The following RPRD1A variants were observed in gnomAD, a reference collection of about 807,000 sequenced individuals.
RPRD1A encodes regulation of nuclear pre-mRNA domain-containing protein 1A.
RPRD1A carries 9 observed loss-of-function variants against 37.8 expected under a neutral mutation model. The observed-to-expected ratio is 0.24, with a 90% CI of 0.14 to 0.42. The LOEUF (loss-of-function observed/expected upper bound fraction) is 0.42. Among genes scored for constraint, RPRD1A ranks in the 10% least tolerant of loss-of-function variants. The pLI is 1.00. For synonymous variants in RPRD1A, 138 were observed against 139.7 expected (o/e 0.99, Z 0.08); for missense variants, 255 against 371.0 (o/e 0.69, Z 2.57).
intron 6 of RPRD1A, among the ~76,000 whole-genome samples, chr18:36,011,255 T>C (rs952110498): frequency 6.6e-6 from 1 of 152,148 alleles, no homozygotes; most frequent in Non-Finnish European, 1.5e-5. Flanking sequence ...TGTTGTCCAA[T>C]GTCACAGAGC....
chr18:36,012,502 G>A (rs922441680), intron 6 of RPRD1A, among the ~76,000 whole-genome samples: 1 of 152,162 alleles, frequency 6.6e-6, no homozygotes, highest in Non-Finnish European at 1.5e-5. Context: ...ATTCACAACA[G>A]TAACATGCTA....
At chr18:36,039,906 A>G (rs1912464133) in intron 1 of RPRD1A, among the ~76,000 whole-genome samples, 1 of 152,160 alleles carries the variant, frequency 6.6e-6, no homozygotes, top group Non-Finnish European at 1.5e-5. Flanking sequence ...AAATATATGC[A>G]CATGTACATA....
chr18:36,009,796 A>G (rs2144198570), intron 6 of RPRD1A, among the ~76,000 whole-genome samples: 1 of 152,314 alleles, frequency 6.6e-6, no homozygotes, highest in East Asian at 1.9e-4. Context: ...GCCTACTGCT[A>G]CTGAGAAACT....
At position 36,067,450 on chromosome 18, in the gene RPRD1A, G is replaced by C. The variant is rs778420362; in HGVS notation, c.-46C>G. On this transcript the variant is annotated 5_prime_UTR_variant, in exon 1 of 7. Transcript: ENST00000399022. ...GCCGTCCCACGCGGTGGGGCCGAGG[G>C]GAGGAGAGTTTCGCCGCCCTAGCTG... The C allele has an allele frequency of 4.3e-5, 68 of 1,570,018 alleles. No individual in the cohort carries two copies. The highest frequency in any genetic ancestry group is 5.9e-5 in the Non-Finnish European group (68 of 1,155,454).
At chr18:35,998,049 A>T (rs1909190100) in intron 6 of RPRD1A, among the ~76,000 whole-genome samples, 1 of 152,180 alleles carries the variant, frequency 6.6e-6, no homozygotes, top group Non-Finnish European at 1.5e-5. Context: ...TTTCGTTTTG[A>T]TTCACACATC....
intron 1 of RPRD1A, chr18:36,040,930 G>T: frequency 1.1e-6 from 1 of 944,694 alleles, no homozygotes; most frequent in Non-Finnish European, 1.5e-6. Context: ...GTTCTTTACA[G>T]TAATTGTCTT....
intron 6 of RPRD1A, among the ~76,000 whole-genome samples, chr18:36,014,554 C>G (rs1428931161): frequency 6.6e-6 from 1 of 152,198 alleles, no homozygotes; most frequent in Non-Finnish European, 1.5e-5. Context: ...CTGGCTAACA[C>G]ACGGTGAAAC....
intron 1 of RPRD1A, among the ~76,000 whole-genome samples, chr18:36,065,982 T>C (rs2089022266): frequency 1.3e-5 from 2 of 152,164 alleles, no homozygotes; most frequent in South Asian, 4.1e-4. Context: ...AAAAACAAGA[T>C]AAACCTGTTA....
Position 36,067,391 on chromosome 18 carries a change from GAGA to G in RPRD1A, c.11_13del (p.Phe4del). The G allele has an allele frequency of 6.2e-7, 1 of 1,607,150 alleles. No individual in the cohort carries two copies. Among genetic ancestry groups the G allele is most frequent in the Non-Finnish European group, 8.5e-7 (1 of 1,177,054 alleles). On this transcript the variant is annotated inframe_deletion, in exon 1 of 7. Coordinates refer to ENST00000399022, the MANE Select transcript of RPRD1A (RefSeq NM_018170.5). Reference sequence around the variant, plus strand: ...CAGCTTCTTCTCCAGCGCCGCCTCAGAGAAGGCTGACATCCCTCCGACACCACG... The same window carrying G: ...CAGCTTCTTCTCCAGCGCCGCCTCAGAGGCTGACATCCCTCCGACACCACG...
chr18:36,061,750 C>T (rs905986995), intron 1 of RPRD1A, among the ~76,000 whole-genome samples: 3 of 152,112 alleles, frequency 2.0e-5, no homozygotes, highest in Non-Finnish European at 4.4e-5. Context: ...GAATCTAATA[C>T]AATACTTGTA....
At chr18:36,008,635 T>C (rs150940209) in intron 6 of RPRD1A, among the ~76,000 whole-genome samples, 1 of 128,238 alleles carries the variant, frequency 7.8e-6, no homozygotes, top group African/African-American at 2.9e-5. Flanking sequence ...CCTCATGGTA[T>C]ATCAATTTTG....
intron 1 of RPRD1A, 28 bp from the exon 2 acceptor site, chr18:36,033,865 T>C (rs1911994460): frequency 1.9e-6 from 3 of 1,578,386 alleles, no homozygotes; most frequent in Non-Finnish European, 1.7e-6. Flanking sequence ...GTTAAAAATC[T>C]ACTTAAAACA....
intron 1 of RPRD1A, among the ~76,000 whole-genome samples, chr18:36,063,330 G>T (rs1194582501): frequency 6.6e-6 from 1 of 152,130 alleles, no homozygotes; most frequent in Non-Finnish European, 1.5e-5. Flanking sequence ...ATCATGCCCA[G>T]CTAATTTTGG....
intron 1 of RPRD1A, among the ~76,000 whole-genome samples, chr18:36,036,609 C>A (rs1225258658): frequency 2.6e-5 from 4 of 152,110 alleles, no homozygotes; most frequent in African/African-American, 4.8e-5. Flanking sequence ...GCAATCATCA[C>A]AACTTATGCC....
rs1298708733 is a variant in RPRD1A, at chr18:35,992,032, C to T, written c.*1119G>A. On this transcript the variant is annotated 3_prime_UTR_variant, in exon 7 of 7. Coordinates refer to ENST00000399022, the MANE Select transcript of RPRD1A (RefSeq NM_018170.5). The stretch of plus-strand genomic sequence containing the variant: ...GCAGGAGAGCATGCAACTGCTCTAA[C>T]ACACAGGGTCAGAAATAAAAGGTAA... 23 of 152,652 alleles carry T rather than the reference C, an allele frequency of 1.5e-4. No individual in the cohort carries two copies. Among genetic ancestry groups the T allele is most frequent in the Admixed American group, 1.4e-3 (21 of 15,286 alleles). 9.5% of individuals were successfully genotyped at this position (152,652 alleles called of 1,614,324 possible).
intron 1 of RPRD1A, among the ~76,000 whole-genome samples, chr18:36,041,541 CAAATT>C (rs1912579937): frequency 6.6e-6 from 1 of 152,116 alleles, no homozygotes; most frequent in African/African-American, 2.4e-5. Context: ...GTGCAACAAA[CAAATT>C]AAAAACACAC....
chr18:36,012,253 G>T (rs762110215), intron 6 of RPRD1A, among the ~76,000 whole-genome samples: 1 of 152,118 alleles, frequency 6.6e-6, no homozygotes, highest in Non-Finnish European at 1.5e-5. Flanking sequence ...TGTGTTTGTG[G>T]TGACAGCCAT....
At chr18:35,996,216 A>T (rs113038975) in intron 6 of RPRD1A, among the ~76,000 whole-genome samples, 1 of 152,146 alleles carries the variant, frequency 6.6e-6, no homozygotes, top group African/African-American at 2.4e-5. Context: ...AATTTTCTAT[A>T]CTCTCTTCAT....
At chr18:36,050,028 C>G (rs1213634762) in intron 1 of RPRD1A, among the ~76,000 whole-genome samples, 2 of 151,962 alleles carry the variant, frequency 1.3e-5, no homozygotes, top group African/African-American at 4.8e-5. Flanking sequence ...GAAGTGGTCT[C>G]TGCTTGTGCT....
Sources: allele counts gnomAD v4.1 joint callset (sites outside exome capture counted in the v4.1 genomes callset), GRCh38; gene constraint gnomAD v4.1.1; transcripts MANE v1.5; gene names NCBI Gene and HGNC (gene_info 2026-07-23, HGNC 2026-07-21).